BMERB1: variants seen among roughly 807,000 people sequenced by gnomAD.
The protein encoded by BMERB1 is bMERB domain-containing protein 1.
A neutral mutation model predicts 23.6 loss-of-function variants in BMERB1; 12 were observed. The observed-to-expected ratio is 0.51, with a 90% CI of 0.33 to 0.82. The LOEUF (loss-of-function observed/expected upper bound fraction) is 0.82, where lower values mean the gene tolerates loss of function less well. BMERB1 is among the 40% of genes least tolerant of loss of function. The probability of loss-of-function intolerance (pLI) is 0.03; values close to 1 mark genes in which losing one functional copy is unlikely to be tolerated. For synonymous variants in BMERB1, 122 were observed against 96.6 expected (o/e 1.26, Z -1.54); for missense variants, 247 against 255.4 (o/e 0.97, Z 0.22).
chr16:15,552,430 ACT>A (rs2030119061), intron 2 of BMERB1, among the ~76,000 whole-genome samples: 1 of 151,104 alleles, frequency 6.6e-6, no homozygotes, highest in Non-Finnish European at 1.5e-5. Flanking sequence ...ACAGAACGAG[ACT>A]CCATCTCAAA....
chr16:15,460,899 C>T (rs939799923), intron 1 of BMERB1, among the ~76,000 whole-genome samples: 13 of 152,198 alleles, frequency 8.5e-5, no homozygotes, highest in African/African-American at 3.1e-4. Context: ...GAGGCCAAGG[C>T]AAGCACCTGA....
chr16:15,579,868 G>A (rs2150976811), intron 3 of BMERB1, among the ~76,000 whole-genome samples: 1 of 152,202 alleles, frequency 6.6e-6, no homozygotes, highest in Admixed American at 6.5e-5. Context: ...ACCATTTACT[G>A]AAGGCTCTCA....
chr16:15,471,311 G>A lies in BMERB1; in HGVS notation c.106+36552G>A, dbSNP rs191056490. Among the ~76,000 whole-genome samples the A allele has an allele frequency of 6.6e-5, 10 of 152,284 alleles. No individual in the cohort carries two copies. In the East Asian group the frequency reaches 1.5e-3, roughly 24 times the overall value. ...AAGGAATAATTTGAAAGCTCACAAA[G>A]AGAAATATCCAGGCAATTTCTGGAG... On this transcript the variant is annotated intron_variant, in intron 1 of 5. Transcript: ENST00000300006.
At chr16:15,565,254 C>T (rs1033280018) in intron 2 of BMERB1, among the ~76,000 whole-genome samples, 2 of 152,088 alleles carry the variant, frequency 1.3e-5, no homozygotes, top group Non-Finnish European at 2.9e-5. Flanking sequence ...TGGTCCTGCC[C>T]CCATGAGCTG....
At chr16:15,585,426 C>A (rs770725059) in intron 5 of BMERB1, among the ~76,000 whole-genome samples, 5 of 152,164 alleles carry the variant, frequency 3.3e-5, no homozygotes, top group Non-Finnish European at 5.9e-5. Flanking sequence ...TCTCTGGGAT[C>A]CTAGCAGATT....
At chr16:15,492,610 C>T (rs953991052) in intron 1 of BMERB1, among the ~76,000 whole-genome samples, 1 of 152,104 alleles carries the variant, frequency 6.6e-6, no homozygotes, top group Non-Finnish European at 1.5e-5. Flanking sequence ...ATGGGATGTA[C>T]CACGGATGTG....
intron 2 of BMERB1, among the ~76,000 whole-genome samples, chr16:15,531,252 C>T (rs956607487): frequency 2.0e-5 from 3 of 152,068 alleles, no homozygotes; most frequent in African/African-American, 7.2e-5. Flanking sequence ...GGTATTTCTT[C>T]ATAGCAGCAT....
At chr16:15,554,106 C>G (rs1042982117) in intron 2 of BMERB1, among the ~76,000 whole-genome samples, 1 of 152,168 alleles carries the variant, frequency 6.6e-6, no homozygotes, top group Non-Finnish European at 1.5e-5. Flanking sequence ...CTTTTCCTGA[C>G]CCCTCCAAGT....
chr16:15,463,956 T>C (rs756468906), intron 1 of BMERB1, among the ~76,000 whole-genome samples: 1 of 151,636 alleles, frequency 6.6e-6, no homozygotes, highest in Non-Finnish European at 1.5e-5. Flanking sequence ...GGCTCTCGGA[T>C]CTTGTGCAAG....
At chr16:15,522,319 A>C (rs1006962727) in intron 2 of BMERB1, among the ~76,000 whole-genome samples, 1 of 152,140 alleles carries the variant, frequency 6.6e-6, no homozygotes, top group African/African-American at 2.4e-5. Context: ...CCTGGGCTTG[A>C]AATCCAGTAA....
chr16:15,504,325 A>G (rs764796296), intron 1 of BMERB1, among the ~76,000 whole-genome samples: 4 of 152,226 alleles, frequency 2.6e-5, no homozygotes, highest in Non-Finnish European at 4.4e-5. Context: ...AATTGCTAAA[A>G]TTTCAATGAA....
At chr16:15,445,215 T>G (rs1478720177) in intron 1 of BMERB1, among the ~76,000 whole-genome samples, 2 of 152,176 alleles carry the variant, frequency 1.3e-5, no homozygotes, top group Non-Finnish European at 2.9e-5. Flanking sequence ...AAGCTTTGGT[T>G]TCTGCAACTG....
At chr16:15,535,191 AAACT>A (rs1245895171) in intron 2 of BMERB1, among the ~76,000 whole-genome samples, 1 of 152,014 alleles carries the variant, frequency 6.6e-6, no homozygotes, top group East Asian at 1.9e-4. Flanking sequence ...CTCTACAAAA[AAACT>A]AAATAATTAG....
At chr16:15,476,574 G>C (rs2150933665) in intron 1 of BMERB1, among the ~76,000 whole-genome samples, 1 of 152,358 alleles carries the variant, frequency 6.6e-6, no homozygotes, top group Non-Finnish European at 1.5e-5. Flanking sequence ...GCCATGACTT[G>C]TGCCACTTGT....
intron 1 of BMERB1, among the ~76,000 whole-genome samples, chr16:15,486,108 G>A (rs906852120): frequency 1.3e-5 from 2 of 151,314 alleles, no homozygotes; most frequent in African/African-American, 4.9e-5. Flanking sequence ...CAGGTGTGGT[G>A]GCACAATCGC....
At chr16:15,510,365 T>C (rs1458478025) in intron 1 of BMERB1, among the ~76,000 whole-genome samples, 2 of 152,194 alleles carry the variant, frequency 1.3e-5, no homozygotes, top group Non-Finnish European at 2.9e-5. Flanking sequence ...TTGCCAGCGC[T>C]GAGCCTTTGT....
At chr16:15,522,532 T>C (rs2051865867) in intron 2 of BMERB1, among the ~76,000 whole-genome samples, 2 of 152,206 alleles carry the variant, frequency 1.3e-5, no homozygotes, top group South Asian at 4.1e-4. Context: ...TTTTATTGTT[T>C]TGATTCATAT....
At chr16:15,561,432 C>T (rs761579552) in intron 2 of BMERB1, among the ~76,000 whole-genome samples, 2 of 151,744 alleles carry the variant, frequency 1.3e-5, no homozygotes, top group Non-Finnish European at 2.9e-5. Context: ...CCACACCTGG[C>T]TAATTTTTAT....
At chr16:15,550,934 G>C (rs1790739195) in intron 2 of BMERB1, among the ~76,000 whole-genome samples, 1 of 152,188 alleles carries the variant, frequency 6.6e-6, no homozygotes, top group African/African-American at 2.4e-5. Context: ...GTTGGCATCA[G>C]CTTGAGAGGA....
Sources: gnomAD v4.1 joint callset for allele counts (sites outside exome capture counted in the v4.1 genomes callset) on GRCh38, gnomAD v4.1.1 for gene constraint, MANE v1.5 for transcripts, NCBI Gene and HGNC (gene_info 2026-07-23, HGNC 2026-07-21) for gene names.